The following MRPL10 variants were observed in gnomAD, a reference collection of about 807,000 sequenced individuals.
MRPL10 encodes large ribosomal subunit protein uL10m.
MRPL10 carries 14 observed loss-of-function variants against 19.8 expected under a neutral mutation model. The observed-to-expected ratio is 0.71, with a 90% confidence interval of 0.47 to 1.11. The LOEUF is 1.11. MRPL10 is among the 50% of genes least tolerant of loss of function. The pLI, the probability that MRPL10 is intolerant of heterozygous loss-of-function variation, is 0.00. For synonymous variants in MRPL10, 129 were observed against 139.2 expected (o/e 0.93, Z 0.52); for missense variants, 318 against 339.6 (o/e 0.94, Z 0.50).
At position 47,824,417 on chromosome 17, in the gene MRPL10, T is replaced by G; in HGVS notation, c.574A>C (p.Ile192Leu). 1 of 1,578,922 alleles carries G rather than the reference T, an allele frequency of 6.3e-7. No homozygotes were observed. Among genetic ancestry groups the G allele is most frequent in the South Asian group, 1.2e-5 (1 of 86,344 alleles). ...DDTILSRQGF[I>L]NYSKLPSLPL... is the part of the protein sequence containing the mutation. ...AGGCTGGGGAGCTTGGAGTAGTTGA[T>G]AAAGCCCTGCCTGCTGAGGATGGTG... The change falls in exon 5 of 5, where the codon ATC (isoleucine) becomes CTC (leucine). Residue 192 changes from isoleucine to leucine, a missense_variant. Ile to Leu is a conservative substitution (Grantham distance 5). Coordinates refer to ENST00000351111, the MANE Select transcript of MRPL10 (RefSeq NM_145255.4).
At chr17:47,825,644 A>G (rs912674036) in intron 4 of MRPL10, among the ~76,000 whole-genome samples, 1 of 152,150 alleles carries the variant, frequency 6.6e-6, no homozygotes, top group Non-Finnish European at 1.5e-5. Context: ...GAGGGAAGTA[A>G]CGGGGAACTA....
At chr17:47,829,123 G>T (rs964733734) in intron 1 of MRPL10, 1 of 154,970 alleles carries the variant, frequency 6.5e-6, no homozygotes, top group African/African-American at 2.4e-5. Context: ...AATTAGCCAG[G>T]TGTGGTGGTG....
At chr17:47,825,903 G>C (rs1208748609) in intron 4 of MRPL10, among the ~76,000 whole-genome samples, 1 of 151,898 alleles carries the variant, frequency 6.6e-6, no homozygotes, top group East Asian at 1.9e-4. Flanking sequence ...ACTTTGGGAG[G>C]CTGAGGTGGC....
intron 2 of MRPL10, 67 bp downstream of exon 2, chr17:47,828,434 C>T (rs921962599): frequency 4.4e-5 from 52 of 1,191,592 alleles, no homozygotes; most frequent in Non-Finnish European, 5.5e-5. Flanking sequence ...TTCACTATGG[C>T]CAGAGACAAG....
At chr17:47,824,491 C>G (rs767943992) in intron 4 of MRPL10, 33 bp from the exon 5 acceptor site, 1 of 1,507,086 alleles carries the variant, frequency 6.6e-7, no homozygotes, top group Non-Finnish European at 8.8e-7. Context: ...AGGCTCCTTG[C>G]AGATTGCCTT....
At position 47,828,677 on chromosome 17, in the gene MRPL10, G is replaced by A; in HGVS notation, c.53-7C>T. 6.0e-6 allele frequency: 9 copies of A among 1,510,230 alleles called. No individual in the cohort carries two copies. Among genetic ancestry groups the A allele is most frequent in the Non-Finnish European group, 7.9e-6 (9 of 1,141,726 alleles). The allele number at this position is 1,510,230 out of a possible 1,614,324, so 93.6% of individuals were successfully genotyped here. A position where few individuals can be genotyped will look rare whatever the true frequency, so the allele number is the denominator to read the frequency against. ...TGGAGGGTAGGCAGCCGGCCTGGGA[G>A]GGCATATAGCAACATGGTTAGAGGC... On this transcript the variant is annotated splice_polypyrimidine_tract_variant and splice_region_variant and intron_variant, in intron 1 of 4. Transcript: ENST00000351111.
chr17:47,828,294 A>G, intron 2 of MRPL10: 1 of 406,574 alleles, frequency 2.5e-6, no homozygotes, highest in Admixed American at 4.5e-5. Context: ...CAAGAAGGAA[A>G]TTCAGGAGGC....
At chr17:47,826,875 C>T in intron 3 of MRPL10, 94 bp from the exon 4 acceptor site, 1 of 1,543,358 alleles carries the variant, frequency 6.5e-7, no homozygotes, top group South Asian at 1.2e-5. Context: ...GGGTGCAACC[C>T]AAGGGTCTTC....
At chr17:47,826,158 A>T (rs2033529836) in intron 4 of MRPL10, among the ~76,000 whole-genome samples, 1 of 151,698 alleles carries the variant, frequency 6.6e-6, no homozygotes. Context: ...AAAAAAAAAA[A>T]AAAAAAAAAA....
chr17:47,825,014 C>CAAAA (rs5820672), intron 4 of MRPL10, among the ~76,000 whole-genome samples: 1 of 75,594 alleles, frequency 1.3e-5, no homozygotes, highest in Non-Finnish European at 2.4e-5. Flanking sequence ...AACTTCGTCT[C>CAAAA]AAAAAAAAAA....
Position 47,827,209 on chromosome 17 carries a change from A to C in MRPL10, c.223-5T>G. On this transcript the variant is annotated splice_region_variant and splice_polypyrimidine_tract_variant and intron_variant, in intron 2 of 4. Coordinates refer to ENST00000351111, the MANE Select transcript of MRPL10 (RefSeq NM_145255.4). ...AAGCCTGATGAGGCCTATCTCCTGA[A>C]GTTGGAAAGCAATGACCAAGGGTAC... The C allele has an allele frequency of 6.2e-7, 1 of 1,600,580 alleles. No individual in the cohort carries two copies. Among genetic ancestry groups the C allele is most frequent in the Non-Finnish European group, 8.5e-7 (1 of 1,174,068 alleles).
intron 1 of MRPL10, 22 bp downstream of exon 1, chr17:47,831,438 G>A (rs755606549): frequency 6.5e-7 from 1 of 1,548,664 alleles, no homozygotes; most frequent in Non-Finnish European, 8.7e-7. Flanking sequence ...GACACGCCGT[G>A]AGGACCTGGG....
intron 2 of MRPL10, 173 bp downstream of exon 2, chr17:47,828,326 AGC>A: frequency 2.1e-6 from 1 of 475,836 alleles, no homozygotes; most frequent in Non-Finnish European, 3.5e-6. Context: ...AGAGCCCAAA[AGC>A]CAATACAGAA....
chr17:47,828,644 G>A lies in MRPL10; in HGVS notation c.79C>T (p.Arg27Cys), dbSNP rs746020597. 100 of 1,524,456 alleles carry A rather than the reference G, an allele frequency of 6.6e-5. No homozygotes were observed. Among genetic ancestry groups the A allele is most frequent in the South Asian group, 4.9e-4 (37 of 76,076 alleles). The allele number at this position is 1,524,456 out of a possible 1,614,324, so 94.4% of individuals were successfully genotyped here. A position where few individuals can be genotyped will look rare whatever the true frequency, so the allele number is the denominator to read the frequency against. ...CGGGTAACAGCCTTGGAGCCATAGC[G>A]GACAGTCTGGAGGGTAGGCAGCCGG... ...AGRLPTLQTVRYGSKAVTRHR... is the reference protein window; with the variant it reads ...AGRLPTLQTVCYGSKAVTRHR... Residue 27 changes from arginine to cysteine, a missense_variant, in exon 2 of 5, where the codon CGC becomes TGC. By Grantham distance (180) the Arg-to-Cys change is radical. Transcript: ENST00000351111.
chr17:47,829,194 G>C (rs2033584744), intron 1 of MRPL10: 1 of 155,374 alleles, frequency 6.4e-6, no homozygotes. Context: ...AACCCGGGAG[G>C]TGGAGGTTGC....
At chr17:47,824,508 C>T (rs754250928) in intron 4 of MRPL10, 50 bp from the exon 5 acceptor site, 1 of 1,501,522 alleles carries the variant, frequency 6.7e-7, no homozygotes, top group East Asian at 2.3e-5. Flanking sequence ...CCTTTCTTCT[C>T]TGAAAACAAT....
chr17:47,824,356 G>A lies in MRPL10; in HGVS notation c.635C>T (p.Thr212Ile), dbSNP rs752195940. 5.6e-6 allele frequency: 9 copies of A among 1,613,056 alleles called. No homozygotes were observed. The highest frequency in any genetic ancestry group is 2.7e-5 in the African/African-American group (2 of 74,892). Residue 212 changes from threonine (T) to isoleucine (I), a missense_variant, in exon 5 of 5, where the codon ACC (threonine) becomes ATC (isoleucine). Physicochemically the swap from Thr to Ile is moderately conservative, Grantham distance 89 (BLOSUM62 -1). Transcript: ENST00000351111. Reference sequence around the variant, plus strand: ...GGAGTGGGTCTGGGCTGTGAGGCAGGTGAGGCCTCCTACAAGCTCCCCCTG... The same window carrying A: ...GGAGTGGGTCTGGGCTGTGAGGCAGATGAGGCCTCCTACAAGCTCCCCCTG... ...LVQGELVGGL[T>I]CLTAQTHSLL...
rs543647030 is a variant in MRPL10, at chr17:47,828,347, G to A, written c.222+154C>T. The A allele has an allele frequency of 5.2e-5, 28 of 533,826 alleles. No homozygotes were observed. In the Middle Eastern group the frequency reaches 1.5e-3, roughly 29 times the overall value. 33.1% of individuals were successfully genotyped at this position (533,826 alleles called of 1,614,324 possible). ...CAAAAGCCAATACAGAATCAAGTGC[G>A]GATTTCATCTTAAAATATCTGGATC... is the stretch of plus-strand genomic sequence containing the variant. On this transcript the variant is annotated intron_variant, in intron 2 of 4. Transcript: ENST00000351111.
rs751645880 is a variant in MRPL10 at position 47,826,812 on chromosome 17, G to A, written c.388-31C>T. On this transcript the variant is annotated intron_variant, in intron 3 of 4. Transcript: ENST00000351111. Reference sequence around the variant, plus strand: ...AACAGCAGGGAAAAATGGCTTATCGGGGACAAGTGGGAGGAAGAGCTACCT... The same window carrying A: ...AACAGCAGGGAAAAATGGCTTATCGAGGACAAGTGGGAGGAAGAGCTACCT... 5 of 1,613,408 alleles carry A rather than the reference G, an allele frequency of 3.1e-6. No individual in the cohort carries two copies. In the South Asian group the frequency reaches 4.4e-5, roughly 14 times the overall value.
Sources: gnomAD v4.1 joint callset for allele counts (sites outside exome capture counted in the v4.1 genomes callset) on GRCh38, gnomAD v4.1.1 for gene constraint, MANE v1.5 for transcripts, NCBI Gene and HGNC (gene_info 2026-07-23, HGNC 2026-07-21) for gene names.